Variants in PRSS12 observed in about 807,000 individuals in gnomAD.
PRSS12 encodes the protein neurotrypsin.
In PRSS12, 85 loss-of-function variants were observed where a neutral mutation model predicts 104.4. That is an observed-to-expected ratio of 0.81 (90% CI 0.68 to 0.98). PRSS12 has a LOEUF of 0.98. Among genes scored for constraint, PRSS12 ranks in the 50% least tolerant of loss-of-function variants. The probability of loss-of-function intolerance (pLI) is 0.00; values close to 1 mark genes in which losing one functional copy is unlikely to be tolerated. For missense variants in PRSS12, 1,141 were observed against 1,139.2 expected, an observed-to-expected ratio of 1.00 and a Z score of -0.02; for synonymous variants, 454 against 425.2, an observed-to-expected ratio of 1.07 and a Z score of -0.83.
At chr4:118,334,452 A>C (rs761591197) in intron 3 of PRSS12, among the ~76,000 whole-genome samples, 33 of 152,206 alleles carry the variant, frequency 2.2e-4, no homozygotes, top group Non-Finnish European at 3.2e-4. Context: ...ATCATCCTTG[A>C]AGCAGCATTG....
At chr4:118,291,919 T>A (rs928462505) in intron 11 of PRSS12, among the ~76,000 whole-genome samples, 10 of 152,124 alleles carry the variant, frequency 6.6e-5, no homozygotes, top group African/African-American at 2.4e-4. Flanking sequence ...CCTTATTCCA[T>A]ATTGCTTGTT....
At chr4:118,312,534 ACT>A (rs1408178141) in intron 7 of PRSS12, among the ~76,000 whole-genome samples, 1 of 152,116 alleles carries the variant, frequency 6.6e-6, no homozygotes, top group Non-Finnish European at 1.5e-5. Context: ...ACTGCTATCT[ACT>A]CTCAAGAGGA....
At position 118,331,870 on chromosome 4, in the gene PRSS12, T is replaced by G. The variant is rs748341827; in HGVS notation, c.821-4A>C. 9 of 1,613,796 alleles carry G rather than the reference T, an allele frequency of 5.6e-6. No homozygotes were observed. Among genetic ancestry groups the G allele is most frequent in the Non-Finnish European group, 7.6e-6 (9 of 1,180,034 alleles). On this transcript the variant is annotated splice_polypyrimidine_tract_variant and splice_region_variant and intron_variant, in intron 3 of 12. Transcript: ENST00000296498. The stretch of plus-strand genomic sequence containing the variant: ...CGAATGATGGGGAACGTTGGGCCTG[T>G]GCAATGTGAAGTTAAAAATAAGCAA...
intron 8 of PRSS12, among the ~76,000 whole-genome samples, chr4:118,307,096 A>G (rs1743576509): frequency 2.0e-5 from 3 of 152,210 alleles, no homozygotes; most frequent in Admixed American, 2.0e-4. Flanking sequence ...AAGGAGTGAT[A>G]GAAACACAGT....
rs1240161330 is a variant in PRSS12 at position 118,280,788 on chromosome 4, C to G, written c.*1148G>C. On this transcript the variant is annotated 3_prime_UTR_variant, in exon 13 of 13. Transcript: ENST00000296498. ...AAACCAATCATTTAGGTAGGAGAAC[C>G]ATGGGGAAAAAAATCAGCATTTTTT... The G allele has an allele frequency of 6.6e-6, 1 of 152,162 alleles. No individual in the cohort carries two copies. The highest frequency in any genetic ancestry group is 2.1e-4 in the South Asian group (1 of 4,832). The allele number at this position is 152,162 out of a possible 1,614,324, so 9.4% of individuals were successfully genotyped here. A position where few individuals can be genotyped will look rare whatever the true frequency, so the allele number is the denominator to read the frequency against.
intron 12 of PRSS12, among the ~76,000 whole-genome samples, chr4:118,282,444 C>T (rs1245884002): frequency 6.6e-6 from 1 of 152,180 alleles, no homozygotes; most frequent in African/African-American, 2.4e-5. Context: ...ACAAATTTCT[C>T]AGTACTGAAT....
chr4:118,285,578 G>T (rs1742995151), intron 11 of PRSS12, among the ~76,000 whole-genome samples: 1 of 151,998 alleles, frequency 6.6e-6, no homozygotes, highest in African/African-American at 2.4e-5. Flanking sequence ...AGCTAACTGT[G>T]GTTACTGCAG....
At position 118,331,715 on chromosome 4, in the gene PRSS12, C is replaced by T. The variant is rs1177622657; in HGVS notation, c.971+1G>A. The stretch of plus-strand genomic sequence containing the variant: ...GCAAAACAAGAGTAGTAAAAACAAA[C>T]CTGAGGCCCAGCTGCCTGCAGATCA... On this transcript the variant is annotated splice_donor_variant, in intron 4 of 12. Transcript: ENST00000296498. LOFTEE classifies it high-confidence loss of function. 6.2e-7 allele frequency: 1 copy of T among 1,614,072 alleles called. No individual in the cohort carries two copies. Among genetic ancestry groups the T allele is most frequent in the Non-Finnish European group, 8.5e-7 (1 of 1,179,996 alleles).
At chr4:118,313,164 G>T in intron 7 of PRSS12, 37 bp downstream of exon 7, 1 of 1,607,898 alleles carries the variant, frequency 6.2e-7, no homozygotes, top group South Asian at 1.1e-5. Flanking sequence ...AATGGCTACT[G>T]AATGATGGAA....
At chr4:118,302,475 G>A (rs942893222) in intron 8 of PRSS12, among the ~76,000 whole-genome samples, 1 of 152,198 alleles carries the variant, frequency 6.6e-6, no homozygotes, top group Non-Finnish European at 1.5e-5. Flanking sequence ...CGCCCAGGCT[G>A]GAGTGCAATG....
chr4:118,300,310 G>T (rs1404420613), intron 8 of PRSS12, among the ~76,000 whole-genome samples: 1 of 152,004 alleles, frequency 6.6e-6, no homozygotes, highest in Non-Finnish European at 1.5e-5. Flanking sequence ...ACCACACCTG[G>T]CCTAAAAGTA....
rs180808842 is a variant in PRSS12 at position 118,283,525 on chromosome 4, T to C, written c.2040-414A>G. ...CTAACTTTGTGTCCCTCAAAGTACT[T>C]AGTACAATCGACTTCACTCTTGCAA... On this transcript the variant is annotated intron_variant, in intron 11 of 12. Coordinates refer to ENST00000296498, the MANE Select transcript of PRSS12 (RefSeq NM_003619.4). 1.7e-4 allele frequency among the ~76,000 whole-genome samples: 26 copies of C among 152,340 alleles called. No individual in the cohort carries two copies. In the East Asian group the frequency reaches 5.0e-3, roughly 29 times the overall value.
intron 1 of PRSS12, among the ~76,000 whole-genome samples, chr4:118,345,066 C>T (rs1724324419): frequency 6.6e-6 from 1 of 152,162 alleles, no homozygotes; most frequent in African/African-American, 2.4e-5. Context: ...AAATGGCTGT[C>T]CTCAACCAGA....
intron 11 of PRSS12, among the ~76,000 whole-genome samples, chr4:118,293,205 A>C (rs1480244172): frequency 6.6e-6 from 1 of 151,958 alleles, no homozygotes; most frequent in Non-Finnish European, 1.5e-5. Flanking sequence ...TAGAATATTT[A>C]ATAAAAAAAT....
rs553506797 is a variant in PRSS12, at chr4:118,306,365, G to A, written c.1631+2071C>T. On this transcript the variant is annotated intron_variant, in intron 8 of 12. Coordinates refer to ENST00000296498, the MANE Select transcript of PRSS12 (RefSeq NM_003619.4). ...TGCCATAAAGAAATACCTGTGACTA[G>A]GTAATTGATAAAGAAAAGAGGTTTA... Among the ~76,000 whole-genome samples the A allele has an allele frequency of 3.5e-4, 53 of 152,280 alleles. No homozygotes were observed. The South Asian group carries it at 0.01, about 29-fold the overall frequency.
intron 4 of PRSS12, among the ~76,000 whole-genome samples, chr4:118,325,612 C>A (rs190830123): frequency 3.3e-5 from 5 of 152,006 alleles, no homozygotes; most frequent in Admixed American, 6.6e-5. Flanking sequence ...TGCTGGCTTT[C>A]AAGAGAATAC....
At chr4:118,344,038 T>C (rs563165851) in intron 1 of PRSS12, among the ~76,000 whole-genome samples, 2 of 152,310 alleles carry the variant, frequency 1.3e-5, no homozygotes, top group African/African-American at 2.4e-5. Context: ...TCATTTCTAT[T>C]GTTCTAGTGG....
At chr4:118,299,758 AT>A (rs1372878909) in intron 8 of PRSS12, among the ~76,000 whole-genome samples, 20 of 49,698 alleles carry the variant, frequency 4.0e-4, no homozygotes, top group African/African-American at 6.2e-4. Context: ...AATAAAATAA[AT>A]AAAATTAAAT....
At chr4:118,299,115 T>G (rs1186328221) in intron 8 of PRSS12, among the ~76,000 whole-genome samples, 177 bp from the exon 9 acceptor site, 2 of 152,228 alleles carry the variant, frequency 1.3e-5, no homozygotes, top group Non-Finnish European at 2.9e-5. Flanking sequence ...AGGTATTAAC[T>G]ATACTTTCCC....
Sources: gnomAD v4.1 joint callset for allele counts (sites outside exome capture counted in the v4.1 genomes callset) on GRCh38, gnomAD v4.1.1 for gene constraint, MANE v1.5 for transcripts, NCBI Gene and HGNC (gene_info 2026-07-23, HGNC 2026-07-21) for gene names.